COL24A1: variants seen among roughly 807,000 people sequenced by gnomAD.
The protein encoded by COL24A1 is collagen type XXIV alpha 1 chain.
A neutral mutation model predicts 253.9 loss-of-function variants in COL24A1; 224 were observed. The ratio of observed to expected loss-of-function variants is 0.88; its 90% CI spans 0.79 to 0.99. The LOEUF is 0.99. COL24A1 is among the 50% of genes least tolerant of loss of function. The pLI, the probability that COL24A1 is intolerant of heterozygous loss-of-function variation, is 0.00. For synonymous variants in COL24A1, 685 were observed against 673.7 expected (o/e 1.02, Z -0.26); for missense variants, 2,131 against 2,068.5 (o/e 1.03, Z -0.59).
rs759837477 is a variant in COL24A1, at chr1:85,868,608, C to G, written c.3211G>C (p.Gly1071Arg). 1 of 1,613,380 alleles carries G rather than the reference C, an allele frequency of 6.2e-7. No individual in the cohort carries two copies. The highest frequency in any genetic ancestry group is 8.5e-7 in the Non-Finnish European group (1 of 1,179,490). ...TTTTCTCCATCCTCTCCAGGAAGTC[C>G]CCTTCCTCCTGGTACTCCCTGTAAT... ...DGLKGVPGGR[G>R]LPGEDGEKGE... The change falls in exon 37 of 60, where the codon GGA becomes CGA. Residue 1071 changes from glycine (G) to arginine (R), a missense_variant. Coordinates refer to ENST00000370571, the MANE Select transcript of COL24A1 (RefSeq NM_152890.7).
At chr1:85,793,563 G>C (rs1209563300) in intron 47 of COL24A1, among the ~76,000 whole-genome samples, 1 of 152,134 alleles carries the variant, frequency 6.6e-6, no homozygotes, top group East Asian at 1.9e-4. Context: ...GTTCTTCCAA[G>C]TTGCTTGTGC....
chr1:85,775,795 A>C, intron 52 of COL24A1, 86 bp from the exon 53 acceptor site: 1 of 1,161,774 alleles, frequency 8.6e-7, no homozygotes, highest in Non-Finnish European at 1.2e-6. Flanking sequence ...TAGAAACATG[A>C]CAATTTATAT....
At chr1:86,103,888 T>C (rs1201423017) in intron 5 of COL24A1, among the ~76,000 whole-genome samples, 1 of 152,200 alleles carries the variant, frequency 6.6e-6, no homozygotes, top group African/African-American at 2.4e-5. Context: ...GGAGGTATCT[T>C]GCCGGGGTTC....
At chr1:85,851,803 ATACT>A (rs1296258960) in intron 37 of COL24A1, among the ~76,000 whole-genome samples, 1 of 152,160 alleles carries the variant, frequency 6.6e-6, no homozygotes, top group Non-Finnish European at 1.5e-5. Flanking sequence ...GTTTTTATAC[ATACT>A]TATATTTTGT....
chr1:85,747,710 G>T (rs1481168888), intron 55 of COL24A1, among the ~76,000 whole-genome samples: 1 of 152,038 alleles, frequency 6.6e-6, no homozygotes, highest in African/African-American at 2.4e-5. Flanking sequence ...AAAAAGAAAA[G>T]TATTTAAGTC....
At chr1:86,060,995 C>G (rs776558862) in intron 8 of COL24A1, among the ~76,000 whole-genome samples, 20 of 151,804 alleles carry the variant, frequency 1.3e-4, no homozygotes, top group Non-Finnish European at 2.5e-4. Flanking sequence ...TCAATCTACT[C>G]AAAAACCCTA....
intron 13 of COL24A1, among the ~76,000 whole-genome samples, chr1:86,032,484 A>G (rs952356810): frequency 6.6e-6 from 1 of 152,196 alleles, no homozygotes; most frequent in African/African-American, 2.4e-5. Flanking sequence ...TAAATTATTT[A>G]TATAAGTATC....
chr1:85,891,965 A>G (rs1267118892), intron 31 of COL24A1, among the ~76,000 whole-genome samples: 1 of 152,180 alleles, frequency 6.6e-6, no homozygotes, highest in Non-Finnish European at 1.5e-5. Flanking sequence ...TCAACCCAGT[A>G]ACTATGATAA....
chr1:85,885,397 A>ATTTTTTTTT (rs1177337391), intron 32 of COL24A1, among the ~76,000 whole-genome samples: 25 of 128,912 alleles, frequency 1.9e-4, no homozygotes, highest in African/African-American at 6.7e-4. Context: ...ATATATATAT[A>ATTTTTTTTT]TTTTTTTTTT....
chr1:85,771,044 G>A lies in COL24A1; in HGVS notation c.4374+4630C>T, dbSNP rs117226253. Among the ~76,000 whole-genome samples, 40 of 152,170 alleles carry A rather than the reference G, an allele frequency of 2.6e-4. No homozygotes were observed. In the East Asian group the frequency reaches 6.7e-3, roughly 26 times the overall value. On this transcript the variant is annotated intron_variant, in intron 53 of 59. Transcript: ENST00000370571. ...AGTGATCCGGGAAGAAGTGATTGGC[G>A]GGTTCTTAAACATCTTTAGGGTTTA...
At chr1:86,076,988 C>A (rs1193222044) in intron 7 of COL24A1, among the ~76,000 whole-genome samples, 2 of 152,146 alleles carry the variant, frequency 1.3e-5, no homozygotes, top group African/African-American at 4.8e-5. Context: ...CCAAAATTGA[C>A]AAATGGGATC....
At chr1:86,092,010 C>A (rs939595362) in intron 6 of COL24A1, among the ~76,000 whole-genome samples, 1 of 152,044 alleles carries the variant, frequency 6.6e-6, no homozygotes, top group Non-Finnish European at 1.5e-5. Context: ...CCATCCACCC[C>A]CTCATTGGCA....
chr1:85,747,739 T>C lies in COL24A1; in HGVS notation c.4438-2233A>G, dbSNP rs181868284. 7.2e-5 allele frequency among the ~76,000 whole-genome samples: 11 copies of C among 152,326 alleles called. No individual in the cohort carries two copies. The East Asian group carries it at 1.9e-3, about 27-fold the overall frequency. Reference sequence around the variant, plus strand: ...TTAAGTCGTGTTTTTCAAATAATTATGGATTTTCTTCTTTCATATTATACC... The same window carrying C: ...TTAAGTCGTGTTTTTCAAATAATTACGGATTTTCTTCTTTCATATTATACC... On this transcript the variant is annotated intron_variant, in intron 55 of 59. Coordinates refer to ENST00000370571, the MANE Select transcript of COL24A1 (RefSeq NM_152890.7).
Position 85,974,040 on chromosome 1 carries a change from A to G in COL24A1, c.2365-2647T>C, listed in dbSNP as rs142010255. ...GTTATATTCATCAAGAAGATATAAA[A>G]ACCATCATTTTTTGTGTATCTAATA... On this transcript the variant is annotated intron_variant, in intron 20 of 59. Transcript: ENST00000370571. Among the ~76,000 whole-genome samples the G allele has an allele frequency of 1.0e-3, 157 of 152,290 alleles. 1 individual carries two copies. The highest frequency in any genetic ancestry group is 4.6e-3 in the East Asian group (24 of 5,188).
At chr1:85,885,377 G>GTGTATA (rs532854596) in intron 32 of COL24A1, among the ~76,000 whole-genome samples, 6 of 135,948 alleles carry the variant, frequency 4.4e-5, no homozygotes, top group Admixed American at 7.9e-5. Context: ...ATTTTTGTGT[G>GTGTATA]TATATATATA....
intron 32 of COL24A1, among the ~76,000 whole-genome samples, chr1:85,886,250 T>C (rs1326238962): frequency 6.6e-6 from 1 of 151,926 alleles, no homozygotes; most frequent in Non-Finnish European, 1.5e-5. Context: ...GGTTTCACTA[T>C]ATTGGTCAGA....
chr1:86,118,974 G>A (rs1264515963), intron 3 of COL24A1, among the ~76,000 whole-genome samples: 1 of 152,148 alleles, frequency 6.6e-6, no homozygotes, highest in Non-Finnish European at 1.5e-5. Context: ...ACCTGCACAG[G>A]TCAGGATACA....
intron 32 of COL24A1, among the ~76,000 whole-genome samples, chr1:85,884,282 G>A (rs1026610648): frequency 6.6e-6 from 1 of 152,080 alleles, no homozygotes; most frequent in Non-Finnish European, 1.5e-5. Flanking sequence ...AAATGTAAAT[G>A]AAACCAAGGT....
At chr1:86,111,607 G>A (rs11589500) in intron 5 of COL24A1, among the ~76,000 whole-genome samples, 6,391 of 152,144 alleles carry the variant, frequency 0.042, 184 homozygotes, top group Non-Finnish European at 0.067. Context: ...CAGGCTGCCC[G>A]AGCCCACAGG....
Sources: allele counts gnomAD v4.1 joint callset (sites outside exome capture counted in the v4.1 genomes callset), GRCh38; gene constraint gnomAD v4.1.1; transcripts MANE v1.5; gene names NCBI Gene and HGNC (gene_info 2026-07-23, HGNC 2026-07-21).